The following ERC1 variants were observed in gnomAD, a reference collection of about 807,000 sequenced individuals.
The protein encoded by ERC1 is ELKS/RAB6-interacting/CAST family member 1.
In ERC1, 56 loss-of-function variants were observed where a neutral mutation model predicts 132.0. The observed-to-expected ratio is 0.42, with a 90% CI of 0.34 to 0.53. The LOEUF (loss-of-function observed/expected upper bound fraction) is 0.53. ERC1 is among the 20% of genes least tolerant of loss of function. The pLI is 0.03. For synonymous variants in ERC1, 478 were observed against 476.1 expected (o/e 1.00, Z -0.05); for missense variants, 1,202 against 1,349.9 (o/e 0.89, Z 1.72).
intron 18 of ERC1, among the ~76,000 whole-genome samples, chr12:1,483,754 A>ATC (rs2154432445): frequency 7.7e-6 from 1 of 129,866 alleles, no homozygotes; most frequent in South Asian, 2.5e-4. Context: ...CAGTGGCGCG[A>ATC]TCTCGCCTTA....
Position 1,491,428 on chromosome 12 carries a change from G to A in ERC1, c.*1198G>A, listed in dbSNP as rs1218733605. ...AGAGAATATTTATGAAATGCCTACT[G>A]TGTGCAAGTCATCCATCCTTGAAAA... On this transcript the variant is annotated 3_prime_UTR_variant, in exon 19 of 19. Transcript: ENST00000360905. 4.3e-6 allele frequency: 1 copy of A among 230,734 alleles called. No homozygotes were observed. 14.3% of individuals were successfully genotyped at this position (230,734 alleles called of 1,614,324 possible).
chr12:1,369,614 G>A (rs899436746), intron 15 of ERC1, among the ~76,000 whole-genome samples: 2 of 152,148 alleles, frequency 1.3e-5, no homozygotes, highest in African/African-American at 4.8e-5. Context: ...ACAGATGACC[G>A]CAGTCAACAG....
intron 2 of ERC1, among the ~76,000 whole-genome samples, chr12:1,061,273 G>A (rs1565885818): frequency 6.6e-6 from 1 of 151,984 alleles, no homozygotes; most frequent in African/African-American, 2.4e-5. Flanking sequence ...TCTAGCTAAT[G>A]GTTTGTGGAT....
intron 8 of ERC1, among the ~76,000 whole-genome samples, chr12:1,155,010 G>A (rs541989101): frequency 4.7e-4 from 71 of 152,190 alleles, no homozygotes; most frequent in African/African-American, 1.6e-3. Flanking sequence ...ATTTTTCAAA[G>A]AACTAAAAGT....
chr12:1,484,941 T>C (rs1242666723), intron 18 of ERC1, among the ~76,000 whole-genome samples: 1 of 150,318 alleles, frequency 6.7e-6, no homozygotes, highest in Non-Finnish European at 1.5e-5. Context: ...AGTGCAGCAA[T>C]ACAATCACAT....
intron 18 of ERC1, among the ~76,000 whole-genome samples, chr12:1,459,931 T>C (rs6489287): frequency 0.19 from 29,623 of 152,150 alleles, 6,874 homozygotes; most frequent in African/African-American, 0.56. Context: ...TAGATAGAGA[T>C]ACAGATAACG....
At chr12:1,346,530 GACAA>G (rs1260069021) in intron 15 of ERC1, among the ~76,000 whole-genome samples, 1 of 151,980 alleles carries the variant, frequency 6.6e-6, no homozygotes, top group African/African-American at 2.4e-5. Flanking sequence ...CAAAAATACT[GACAA>G]ACCTTTCATT....
Position 1,435,157 on chromosome 12 carries a change from G to T in ERC1, c.3025-9405G>T, listed in dbSNP as rs187871322. On this transcript the variant is annotated intron_variant, in intron 17 of 18. Coordinates refer to ENST00000360905, the MANE Select transcript of ERC1 (RefSeq NM_178040.4). The stretch of plus-strand genomic sequence containing the variant: ...TATATAAAATTTTCAGAAAGAATTT[G>T]CCTTTTAAATATGATTTCCTGATTG... Among the ~76,000 whole-genome samples, 504 of 152,264 alleles carry T rather than the reference G, an allele frequency of 3.3e-3. 3 individuals carry two copies. Among genetic ancestry groups the T allele is most frequent in the Non-Finnish European group, 5.6e-3 (381 of 68,020 alleles).
chr12:1,406,597 G>T (rs1363034909), intron 16 of ERC1, among the ~76,000 whole-genome samples: 1 of 152,170 alleles, frequency 6.6e-6, no homozygotes, highest in Non-Finnish European at 1.5e-5. Flanking sequence ...AGGAATTATA[G>T]ATGATTTTTC....
At chr12:1,424,487 C>T (rs1208656840) in intron 17 of ERC1, among the ~76,000 whole-genome samples, 1 of 151,936 alleles carries the variant, frequency 6.6e-6, no homozygotes, top group African/African-American at 2.4e-5. Context: ...CTTCATATCA[C>T]GATTTAAAAA....
rs2094329978 is a variant in ERC1 at position 1,492,982 on chromosome 12, C to G, written c.*2752C>G. On this transcript the variant is annotated 3_prime_UTR_variant, in exon 19 of 19. Transcript: ENST00000360905. The stretch of plus-strand genomic sequence containing the variant: ...GGTTGCCCTTAATTTTCCCCAAACC[C>G]CTCCATCGGCAAGTCTAGTTGCCCT... 4.4e-6 allele frequency: 1 copy of G among 226,462 alleles called. No homozygotes were observed. The highest frequency in any genetic ancestry group is 8.8e-6 in the Non-Finnish European group (1 of 113,804). 14.0% of individuals were successfully genotyped at this position (226,462 alleles called of 1,614,324 possible). A position where few individuals can be genotyped will look rare whatever the true frequency, so the allele number is the denominator to read the frequency against.
chr12:1,293,233 T>A (rs1024268650), intron 15 of ERC1, among the ~76,000 whole-genome samples: 3 of 150,482 alleles, frequency 2.0e-5, no homozygotes, highest in Admixed American at 2.0e-4. Context: ...GGCGGGCAGA[T>A]CACGAGGTCA....
chr12:1,144,549 A>G (rs207472607), intron 8 of ERC1, among the ~76,000 whole-genome samples: 3 of 145,796 alleles, frequency 2.1e-5, no homozygotes, highest in Admixed American at 1.4e-4. Context: ...ATGGTCTCCA[A>G]CTCCATCCAG....
chr12:1,321,207 G>T (rs1245265237), intron 15 of ERC1, among the ~76,000 whole-genome samples: 1 of 152,202 alleles, frequency 6.6e-6, no homozygotes, highest in African/African-American at 2.4e-5. Flanking sequence ...AATTTACTCT[G>T]AGCCTCAGTT....
chr12:1,346,640 A>T (rs1268183916), intron 15 of ERC1, among the ~76,000 whole-genome samples: 4 of 152,172 alleles, frequency 2.6e-5, no homozygotes, highest in Non-Finnish European at 5.9e-5. Context: ...ACATTTGTTT[A>T]TTTAAGAGAT....
chr12:1,183,440 C>T lies in ERC1; in HGVS notation c.2157+19C>T. ...GAAAAAGGTTAAAGAAAAAATTTCA[C>T]ATTTTTTTGCTTTGCCTTAAATAAG... On this transcript the variant is annotated intron_variant, in intron 11 of 18. Coordinates refer to ENST00000360905, the MANE Select transcript of ERC1 (RefSeq NM_178040.4). The T allele has an allele frequency of 1.3e-6, 2 of 1,541,574 alleles. No homozygotes were observed. Among genetic ancestry groups the T allele is most frequent in the Non-Finnish European group, 1.8e-6 (2 of 1,130,750 alleles).
intron 18 of ERC1, among the ~76,000 whole-genome samples, chr12:1,460,324 A>G (rs1318896404): frequency 6.6e-6 from 1 of 152,236 alleles, no homozygotes; most frequent in African/African-American, 2.4e-5. Flanking sequence ...TATTGAAAAT[A>G]CAAGTATTAG....
chr12:1,130,166 T>C (rs969276133), intron 7 of ERC1, among the ~76,000 whole-genome samples: 1 of 152,172 alleles, frequency 6.6e-6, no homozygotes, highest in Non-Finnish European at 1.5e-5. Flanking sequence ...AAAATGAAGC[T>C]CAAGGTGTGT....
At position 1,026,437 on chromosome 12, in the gene ERC1, T is replaced by C. The variant is rs544416853; in HGVS notation, c.-156-1311T>C. On this transcript the variant is annotated intron_variant, in intron 1 of 18. Transcript: ENST00000360905. ...ACTTTTAACATATATTAAATTCCCA[T>C]ATATAATTTAGACCCTGTTCTTGGG... 3.1e-4 allele frequency among the ~76,000 whole-genome samples: 47 copies of C among 152,320 alleles called. 1 individual carries two copies. Among genetic ancestry groups the C allele is most frequent in the Admixed American group, 2.5e-3 (38 of 15,302 alleles).
Sources: gnomAD v4.1 joint callset for allele counts (sites outside exome capture counted in the v4.1 genomes callset) on GRCh38, gnomAD v4.1.1 for gene constraint, MANE v1.5 for transcripts, NCBI Gene and HGNC (gene_info 2026-07-23, HGNC 2026-07-21) for gene names.